Variants in RIPOR3 observed in about 807,000 individuals in gnomAD.
RIPOR3 encodes the protein family with sequence similarity 65 member C.
In RIPOR3, 95 loss-of-function variants were observed where a neutral mutation model predicts 114.3. The ratio of observed to expected loss-of-function variants is 0.83; its 90% CI spans 0.70 to 0.99. The LOEUF (loss-of-function observed/expected upper bound fraction) is 0.99, where lower values mean the gene tolerates loss of function less well. Among genes scored for constraint, RIPOR3 ranks in the 50% least tolerant of loss-of-function variants. The pLI is 0.00. For synonymous variants in RIPOR3, 575 were observed against 543.8 expected, an observed-to-expected ratio of 1.06 and a Z score of -0.80; for missense variants, 1,252 against 1,266.9, an observed-to-expected ratio of 0.99 and a Z score of 0.18.
At chr20:50,674,017 C>T (rs187629326) in intron 1 of RIPOR3, among the ~76,000 whole-genome samples, 3 of 152,280 alleles carry the variant, frequency 2.0e-5, no homozygotes, top group Admixed American at 1.3e-4. Flanking sequence ...TTTCAATCCA[C>T]GGGAGAGCCG....
At position 50,644,661 on chromosome 20, in the gene RIPOR3, G is replaced by GTT. The variant is rs60576750; in HGVS notation, c.4-13807_4-13806dup. Among the ~76,000 whole-genome samples, 51 of 87,802 alleles carry GTT rather than the reference G, an allele frequency of 5.8e-4. No individual in the cohort carries two copies. The East Asian group carries it at 9.5e-3, about 16-fold the overall frequency. 57.6% of individuals were successfully genotyped at this position (87,802 alleles called of 152,430 possible). A position where few individuals can be genotyped will look rare whatever the true frequency, so the allele number is the denominator to read the frequency against. On this transcript the variant is annotated intron_variant, in intron 1 of 21. Coordinates refer to ENST00000327979, the MANE Select transcript of RIPOR3 (RefSeq NM_001290268.2). ...ACCATGACCGGCTAATTTCTGTTTT[G>GTT]TTTTTTTTTGTTTGCTTTTTTTTTT...
chr20:50,660,749 CTTT>C (rs58201824), intron 1 of RIPOR3, among the ~76,000 whole-genome samples: 15 of 83,268 alleles, frequency 1.8e-4, no homozygotes, highest in Non-Finnish European at 1.9e-4. Context: ...TGGGATTTAC[CTTT>C]TTTTTTTTTT....
At position 50,675,437 on chromosome 20, in the gene RIPOR3, A is replaced by G. The variant is rs186591137; in HGVS notation, c.3+15689T>C. Among the ~76,000 whole-genome samples the G allele has an allele frequency of 3.5e-4, 53 of 152,344 alleles. No individual in the cohort carries two copies. The East Asian group carries it at 3.7e-3, about 11-fold the overall frequency. On this transcript the variant is annotated intron_variant, in intron 1 of 21. Coordinates refer to ENST00000327979, the MANE Select transcript of RIPOR3 (RefSeq NM_001290268.2). ...CTGTAAGAGGTTACTATACCATGTT[A>G]CAGAGAGAGTGATCAAGACTCAGAG...
At position 50,589,711 on chromosome 20, in the gene RIPOR3, G is replaced by T; in HGVS notation, c.2636C>A (p.Ala879Glu). 4 of 1,613,912 alleles carry T rather than the reference G, an allele frequency of 2.5e-6. No homozygotes were observed. Among genetic ancestry groups the T allele is most frequent in the Non-Finnish European group, 3.4e-6 (4 of 1,179,860 alleles). Reference sequence around the variant, plus strand: ...CTTGAGGTGTTTGAGCGCTAGGCATGCGGCCTGCTGGAGCCTTGCGTCGTT... The same window carrying T: ...CTTGAGGTGTTTGAGCGCTAGGCATTCGGCCTGCTGGAGCCTTGCGTCGTT... ...AENDARLQQA[A>E]CLALKHLKGI... The change falls in exon 20 of 22, where the codon GCA (alanine) becomes GAA (glutamate). Residue 879 changes from alanine (A) to glutamate (E), a missense_variant. Coordinates refer to ENST00000327979, the MANE Select transcript of RIPOR3 (RefSeq NM_001290268.2).
At chr20:50,679,284 AAG>A (rs1181757497) in intron 1 of RIPOR3, among the ~76,000 whole-genome samples, 2 of 149,618 alleles carry the variant, frequency 1.3e-5, no homozygotes, top group African/African-American at 4.9e-5. Flanking sequence ...GGTTAAAAAA[AAG>A]AATAAAATTT....
At chr20:50,616,147 A>C in intron 3 of RIPOR3, 67 bp from the exon 4 acceptor site, 4 of 1,491,846 alleles carry the variant, frequency 2.7e-6, no homozygotes, top group Non-Finnish European at 3.7e-6. Context: ...AGTAGGCCAA[A>C]TGGACAATGT....
intron 16 of RIPOR3, 97 bp from the exon 17 acceptor site, chr20:50,594,811 G>A: frequency 7.1e-7 from 1 of 1,407,124 alleles, no homozygotes; most frequent in Non-Finnish European, 9.7e-7. Context: ...AGGGGGTAGG[G>A]AGGAGGGGAC....
chr20:50,596,307 C>A, intron 14 of RIPOR3, 44 bp from the exon 15 acceptor site: 1 of 1,612,042 alleles, frequency 6.2e-7, no homozygotes, highest in South Asian at 1.1e-5. Context: ...GTTAGCAGTT[C>A]AGCTCCCTCT....
At chr20:50,591,583 CCT>C (rs2083110153) in intron 19 of RIPOR3, among the ~76,000 whole-genome samples, 1 of 152,200 alleles carries the variant, frequency 6.6e-6, no homozygotes, top group African/African-American at 2.4e-5. Context: ...CTGGAGATTT[CCT>C]CTCTAGTCTG....
intron 11 of RIPOR3, among the ~76,000 whole-genome samples, chr20:50,606,573 C>T (rs150457820): frequency 6.6e-6 from 1 of 152,262 alleles, no homozygotes; most frequent in East Asian, 1.9e-4. Context: ...GGGCGCCATC[C>T]ACCTCAGCCT....
At chr20:50,624,000 T>C (rs1426576414) in intron 2 of RIPOR3, among the ~76,000 whole-genome samples, 1 of 148,910 alleles carries the variant, frequency 6.7e-6, no homozygotes, top group African/African-American at 2.5e-5. Flanking sequence ...CCACGTCCAG[T>C]AATTTTTGTT....
chr20:50,687,921 T>C (rs2087083645), intron 1 of RIPOR3, among the ~76,000 whole-genome samples: 1 of 151,932 alleles, frequency 6.6e-6, no homozygotes, highest in African/African-American at 2.4e-5. Context: ...AAAAAAATTG[T>C]TTTGATGTAA....
At chr20:50,662,727 C>CCA (rs3971644) in intron 1 of RIPOR3, among the ~76,000 whole-genome samples, 9 of 152,194 alleles carry the variant, frequency 5.9e-5, no homozygotes, top group Non-Finnish European at 7.3e-5. Flanking sequence ...CACTCTCTGG[C>CCA]TGGTGACACG....
At position 50,608,444 on chromosome 20, in the gene RIPOR3, C is replaced by T. The variant is rs780922865; in HGVS notation, c.901G>A (p.Val301Met). Residue 301 changes from valine to methionine, a missense_variant, in exon 11 of 22, where the codon GTG becomes ATG. Coordinates refer to ENST00000327979, the MANE Select transcript of RIPOR3 (RefSeq NM_001290268.2). ...DFFTTRPQVIVVDITELGTIK... is the reference protein window; with the variant it reads ...DFFTTRPQVIMVDITELGTIK... ...GTACCCAACTCCGTGATGTCCACCA[C>T]GATGACCTGCGGCCGCGTCGTGAAG... The T allele has an allele frequency of 8.7e-6, 14 of 1,613,906 alleles. No individual in the cohort carries two copies. Among genetic ancestry groups the T allele is most frequent in the East Asian group, 4.5e-5 (2 of 44,882 alleles).
chr20:50,625,335 G>A (rs750628094), intron 2 of RIPOR3, among the ~76,000 whole-genome samples: 12 of 152,206 alleles, frequency 7.9e-5, no homozygotes, highest in Non-Finnish European at 1.6e-4. Flanking sequence ...GCCTCCCAAA[G>A]TGCTGGGATT....
At chr20:50,670,158 C>CAA (rs34360499) in intron 1 of RIPOR3, among the ~76,000 whole-genome samples, 83 of 48,962 alleles carry the variant, frequency 1.7e-3, no homozygotes, top group East Asian at 3.6e-3. Context: ...AACTCCATCT[C>CAA]AAAAAAAAAA....
intron 1 of RIPOR3, among the ~76,000 whole-genome samples, chr20:50,646,683 A>G (rs2085410682): frequency 6.6e-6 from 1 of 152,192 alleles, no homozygotes; most frequent in Non-Finnish European, 1.5e-5. Flanking sequence ...GAGTGGAGTC[A>G]CTAGATTCTC....
In RIPOR3 at chr20:50,591,537, G is replaced by A. The variant is rs147753713; in HGVS notation, c.2577+807C>T. ...AGAGTTAAAAACAACCACAAAGTAG[G>A]CGGATGGGCTCCAAGAAGGGCTATT... On this transcript the variant is annotated intron_variant, in intron 19 of 21. Coordinates refer to ENST00000327979, the MANE Select transcript of RIPOR3 (RefSeq NM_001290268.2). Among the ~76,000 whole-genome samples, 1,167 of 152,310 alleles carry A rather than the reference G, an allele frequency of 7.7e-3. 10 individuals carry two copies. Among genetic ancestry groups the A allele is most frequent in the African/African-American group, 0.027 (1,121 of 41,562 alleles).
At chr20:50,638,721 C>T (rs556590094) in intron 1 of RIPOR3, among the ~76,000 whole-genome samples, 7 of 151,984 alleles carry the variant, frequency 4.6e-5, no homozygotes, top group African/African-American at 9.6e-5. Context: ...CGGGAGGGAG[C>T]GGGGGAAGCT....
Sources: gnomAD v4.1 joint callset for allele counts (sites outside exome capture counted in the v4.1 genomes callset) on GRCh38, gnomAD v4.1.1 for gene constraint, MANE v1.5 for transcripts, NCBI Gene and HGNC (gene_info 2026-07-23, HGNC 2026-07-21) for gene names.